The following ADAM28 variants were observed in gnomAD, a reference collection of about 807,000 sequenced individuals.
ADAM28 encodes ADAM metallopeptidase domain 28.
A neutral mutation model predicts 101.2 loss-of-function variants in ADAM28; 105 were observed. That is an observed-to-expected ratio of 1.04 (90% confidence interval 0.89 to 1.22). The LOEUF is 1.22. Among genes scored for constraint, ADAM28 ranks in the 50% most tolerant of loss-of-function variants. The pLI is 0.00. For synonymous variants in ADAM28, 322 were observed against 310.6 expected (o/e 1.04, Z -0.39); for missense variants, 1,028 against 945.4 (o/e 1.09, Z -1.15).
chr8:24,301,329 T>G (rs149617278), intron 2 of ADAM28, among the ~76,000 whole-genome samples: 2 of 152,198 alleles, frequency 1.3e-5, no homozygotes, highest in African/African-American at 4.8e-5. Context: ...TCTCTAAGAC[T>G]TTCTTTAAAA....
chr8:24,343,505 G>C lies in ADAM28; in HGVS notation c.1912-1G>C. On this transcript the variant is annotated splice_acceptor_variant, in intron 17 of 22. Transcript: ENST00000265769. LOFTEE classifies it high-confidence loss of function. ...CAGTAACAGGATCATTGCTCCCCTA[G>C]GTGTGTGACCATGAGCTCCAGTGTC... is the stretch of plus-strand genomic sequence containing the variant. 6.2e-7 allele frequency: 1 copy of C among 1,613,662 alleles called. No homozygotes were observed. The highest frequency in any genetic ancestry group is 8.5e-7 in the Non-Finnish European group (1 of 1,179,772).
intron 21 of ADAM28, among the ~76,000 whole-genome samples, chr8:24,353,439 T>G (rs1421970470): frequency 6.6e-6 from 1 of 152,124 alleles, no homozygotes; most frequent in African/African-American, 2.4e-5. Flanking sequence ...TTTTTTTCTT[T>G]CAAGAAATTT....
intron 6 of ADAM28, among the ~76,000 whole-genome samples, chr8:24,314,270 C>A (rs895371020): frequency 2.0e-5 from 3 of 152,054 alleles, no homozygotes; most frequent in Non-Finnish European, 4.4e-5. Context: ...ATCATAAATT[C>A]ATTCAACAAA....
At chr8:24,310,773 CAAT>C (rs1407289937) in intron 4 of ADAM28, among the ~76,000 whole-genome samples, 1 of 152,050 alleles carries the variant, frequency 6.6e-6, no homozygotes, top group Non-Finnish European at 1.5e-5. Flanking sequence ...TTCTCTGTAG[CAAT>C]AATATCAGAG....
intron 6 of ADAM28, among the ~76,000 whole-genome samples, chr8:24,314,652 C>G (rs1477433956): frequency 6.6e-6 from 1 of 151,794 alleles, no homozygotes; most frequent in African/African-American, 2.4e-5. Context: ...TATAGTCAAA[C>G]CCAGAATACT....
chr8:24,351,099 G>A (rs1816061769), intron 19 of ADAM28, 133 bp from the exon 20 acceptor site: 2 of 589,788 alleles, frequency 3.4e-6, no homozygotes, highest in Non-Finnish European at 5.6e-6. Flanking sequence ...CTGACCCAGG[G>A]AGCAGATAAA....
chr8:24,309,729 A>G (rs1007391243), intron 2 of ADAM28, among the ~76,000 whole-genome samples, 165 bp from the exon 3 acceptor site: 5 of 152,188 alleles, frequency 3.3e-5, no homozygotes, highest in African/African-American at 4.8e-5. Context: ...TAATTTGTTT[A>G]TTTAGTTGCC....
At position 24,335,749 on chromosome 8, in the gene ADAM28, T is replaced by C. The variant is rs566473512; in HGVS notation, c.1567+108T>C. On this transcript the variant is annotated intron_variant, in intron 14 of 22. Coordinates refer to ENST00000265769, the MANE Select transcript of ADAM28 (RefSeq NM_014265.6). ...ATTCTGTCCTATCCTTCTTAGAAGC[T>C]TTGAACTCAAAATCATGGAAAGGTT... The C allele has an allele frequency of 1.9e-5, 25 of 1,290,358 alleles. No individual in the cohort carries two copies. In the South Asian group the frequency reaches 7.6e-4, roughly 39 times the overall value. The allele number at this position is 1,290,358 out of a possible 1,614,324, so 79.9% of individuals were successfully genotyped here.
At chr8:24,340,038 C>G (rs1387070028) in intron 15 of ADAM28, among the ~76,000 whole-genome samples, 1 of 152,058 alleles carries the variant, frequency 6.6e-6, no homozygotes, top group East Asian at 1.9e-4. Context: ...AGAAAAAATA[C>G]AATATGAAAA....
intron 6 of ADAM28, among the ~76,000 whole-genome samples, chr8:24,317,021 G>A (rs533779475): frequency 2.6e-5 from 4 of 151,872 alleles, no homozygotes; most frequent in East Asian, 1.9e-4. Context: ...CCTGTATACC[G>A]AAGACAATAA....
intron 11 of ADAM28, among the ~76,000 whole-genome samples, chr8:24,330,501 C>T (rs1400785640): frequency 1.3e-5 from 2 of 152,156 alleles, no homozygotes; most frequent in Non-Finnish European, 2.9e-5. Flanking sequence ...AAAGACATCA[C>T]ACATTCCCTC....
At chr8:24,311,332 T>A (rs768009583) in intron 4 of ADAM28, 29 bp from the exon 5 acceptor site, 1 of 1,581,986 alleles carries the variant, frequency 6.3e-7, no homozygotes, top group East Asian at 2.2e-5. Flanking sequence ...TCACATGTAC[T>A]TCTCTTTACA....
rs538875053 is a variant in ADAM28 at position 24,321,391 on chromosome 8, T to C, written c.720+102T>C. ...GAAGCATGGAAGCAAAGTCAAGACATTTGAGACCAATGTGGCTGACTGGCT... is the reference window on the plus strand; with the variant it reads ...GAAGCATGGAAGCAAAGTCAAGACACTTGAGACCAATGTGGCTGACTGGCT... On this transcript the variant is annotated intron_variant, in intron 8 of 22. Coordinates refer to ENST00000265769, the MANE Select transcript of ADAM28 (RefSeq NM_014265.6). The C allele has an allele frequency of 1.2e-4, 118 of 974,058 alleles. 2 individuals carry two copies. In the South Asian group the frequency reaches 1.5e-3, roughly 12 times the overall value. The allele number at this position is 974,058 out of a possible 1,614,324, so 60.3% of individuals were successfully genotyped here.
chr8:24,310,333 G>T, intron 4 of ADAM28, 92 bp downstream of exon 4: 2 of 1,147,270 alleles, frequency 1.7e-6, no homozygotes, highest in Non-Finnish European at 1.3e-6. Context: ...AAGTGAAACT[G>T]CATTTGTAAC....
intron 7 of ADAM28, 38 bp from the exon 8 acceptor site, chr8:24,321,176 ATTTT>A: frequency 6.9e-6 from 9 of 1,302,436 alleles, no homozygotes; most frequent in Non-Finnish European, 1.0e-5. Flanking sequence ...AAGTATATTC[ATTTT>A]TATCAATGCC....
chr8:24,304,181 A>G (rs904213197), intron 2 of ADAM28, among the ~76,000 whole-genome samples: 1 of 150,444 alleles, frequency 6.6e-6, no homozygotes, highest in Non-Finnish European at 1.5e-5. Flanking sequence ...TTTTGAATAT[A>G]TATTTTGATT....
chr8:24,321,336 A>T, intron 8 of ADAM28, 47 bp downstream of exon 8: 1 of 1,444,934 alleles, frequency 6.9e-7, no homozygotes, highest in Non-Finnish European at 9.7e-7. Context: ...TTGCTGGGAG[A>T]TGTCACTGGG....
chr8:24,340,006 A>G (rs1009526616), intron 15 of ADAM28, among the ~76,000 whole-genome samples: 2 of 152,200 alleles, frequency 1.3e-5, no homozygotes, highest in East Asian at 3.8e-4. Context: ...CAGTTTTTTA[A>G]ACTTTCAGTA....
chr8:24,339,614 T>A (rs1814524160), intron 15 of ADAM28, 46 bp downstream of exon 15: 2 of 1,458,070 alleles, frequency 1.4e-6, no homozygotes, highest in Non-Finnish European at 1.9e-6. Context: ...ACTAGAGCAA[T>A]GGTACACTTC....
Sources: gnomAD v4.1 joint callset for allele counts (sites outside exome capture counted in the v4.1 genomes callset) on GRCh38, gnomAD v4.1.1 for gene constraint, MANE v1.5 for transcripts, NCBI Gene and HGNC (gene_info 2026-07-23, HGNC 2026-07-21) for gene names.